Variants in LTBP1 observed in about 807,000 individuals in gnomAD.
LTBP1 encodes latent transforming growth factor beta binding protein 1.
LTBP1 carries 129 observed loss-of-function variants against 207.6 expected under a neutral mutation model. That is an observed-to-expected ratio of 0.62 (90% CI 0.54 to 0.72). LTBP1 has a LOEUF of 0.72. Among genes scored for constraint, LTBP1 ranks in the 30% least tolerant of loss-of-function variants. The pLI is 0.00. For missense variants in LTBP1, 2,281 were observed against 2,217.2 expected, an observed-to-expected ratio of 1.03 and a Z score of -0.58; for synonymous variants, 963 against 833.7, an observed-to-expected ratio of 1.16 and a Z score of -2.67.
chr2:33,090,627 G>A (rs1394416387), intron 3 of LTBP1, among the ~76,000 whole-genome samples: 1 of 152,120 alleles, frequency 6.6e-6, no homozygotes, highest in Non-Finnish European at 1.5e-5. Context: ...TGATTTGTCC[G>A]TGGTTGTGTA....
chr2:33,075,486 A>G (rs1441898428), intron 3 of LTBP1, among the ~76,000 whole-genome samples: 1 of 152,260 alleles, frequency 6.6e-6, no homozygotes, highest in Non-Finnish European at 1.5e-5. Flanking sequence ...GATAGCTGCA[A>G]AAACCATCTA....
At chr2:33,256,238 C>A (rs1425989645) in intron 11 of LTBP1, among the ~76,000 whole-genome samples, 2 of 152,106 alleles carry the variant, frequency 1.3e-5, no homozygotes. Flanking sequence ...ATAGCTGCAT[C>A]TTGATTTGGC....
At chr2:33,263,041 A>C (rs1307442683) in intron 14 of LTBP1, among the ~76,000 whole-genome samples, 1 of 151,978 alleles carries the variant, frequency 6.6e-6, no homozygotes, top group East Asian at 1.9e-4. Context: ...TTCTGTGATC[A>C]GGAGTAGTAT....
chr2:33,304,733 T>G (rs1283815287), intron 22 of LTBP1, among the ~76,000 whole-genome samples: 1 of 152,206 alleles, frequency 6.6e-6, no homozygotes, highest in Non-Finnish European at 1.5e-5. Flanking sequence ...CTCCCTGCAG[T>G]CCTTTACAAA....
In LTBP1 at chr2:33,158,146, AAC is replaced by A. The variant is rs1261536992; in HGVS notation, c.1201+23188_1201+23189del. On this transcript the variant is annotated intron_variant, in intron 5 of 33. Coordinates refer to ENST00000404816, the MANE Select transcript of LTBP1 (RefSeq NM_206943.4). ...AGTGAAACTCTTGTCTCAAAAAAAA[AAC>A]AAAAAAAAAAAAAAAAAGAGAGAGA... 6.7e-3 allele frequency among the ~76,000 whole-genome samples: 786 copies of A among 118,152 alleles called. 5 individuals carry two copies. Among genetic ancestry groups the A allele is most frequent in the Non-Finnish European group, 0.011 (583 of 54,544 alleles). 77.5% of individuals were successfully genotyped at this position (118,152 alleles called of 152,430 possible). A position where few individuals can be genotyped will look rare whatever the true frequency, so the allele number is the denominator to read the frequency against.
At chr2:33,150,336 T>G (rs2083409086) in intron 5 of LTBP1, among the ~76,000 whole-genome samples, 1 of 152,190 alleles carries the variant, frequency 6.6e-6, no homozygotes. Context: ...TTGCTTATCT[T>G]CATGAGACCC....
chr2:33,239,668 G>A (rs113520739), intron 9 of LTBP1, among the ~76,000 whole-genome samples: 203 of 151,656 alleles, frequency 1.3e-3, no homozygotes, highest in African/African-American at 4.7e-3. Context: ...CGAGGTGGGC[G>A]GATCACTTGA....
At chr2:33,363,038 T>C (rs527736835) in intron 28 of LTBP1, among the ~76,000 whole-genome samples, 46 of 152,306 alleles carry the variant, frequency 3.0e-4, no homozygotes, top group African/African-American at 1.0e-3. Flanking sequence ...GAATATACAT[T>C]ACAGAACACA....
At chr2:33,234,946 C>A (rs1167999986) in intron 9 of LTBP1, among the ~76,000 whole-genome samples, 1 of 151,958 alleles carries the variant, frequency 6.6e-6, no homozygotes, top group African/African-American at 2.4e-5. Context: ...CCATAAAAAC[C>A]CTAGAAGAAA....
At chr2:33,289,859 C>T (rs188396804) in intron 19 of LTBP1, among the ~76,000 whole-genome samples, 32 of 152,278 alleles carry the variant, frequency 2.1e-4, no homozygotes. Flanking sequence ...TCTCCCTCTG[C>T]TTCAGGGAAA....
intron 7 of LTBP1, among the ~76,000 whole-genome samples, chr2:33,214,367 C>T (rs10166821): frequency 0.016 from 2,436 of 152,196 alleles, 69 homozygotes; most frequent in African/African-American, 0.055. Context: ...TGATTCCAGC[C>T]CCAAATATGT....
chr2:33,377,985 A>G (rs1431644178), intron 31 of LTBP1, among the ~76,000 whole-genome samples: 2 of 152,142 alleles, frequency 1.3e-5, no homozygotes, highest in Non-Finnish European at 2.9e-5. Flanking sequence ...ACAATTCAAG[A>G]TGAGATTTGG....
intron 4 of LTBP1, among the ~76,000 whole-genome samples, chr2:33,121,551 A>G (rs1213089928): frequency 6.6e-6 from 1 of 152,066 alleles, no homozygotes; most frequent in African/African-American, 2.4e-5. Context: ...CTTAATGGCT[A>G]CAGGTGCATC....
intron 5 of LTBP1, among the ~76,000 whole-genome samples, chr2:33,176,995 A>G (rs1235662417): frequency 6.6e-6 from 1 of 152,224 alleles, no homozygotes; most frequent in Non-Finnish European, 1.5e-5. Context: ...CAACAGCCAT[A>G]TGAGCTGGAT....
At chr2:32,971,274 GC>G (rs932782531) in intron 2 of LTBP1, among the ~76,000 whole-genome samples, 4 of 152,034 alleles carry the variant, frequency 2.6e-5, no homozygotes, top group African/African-American at 4.8e-5. Flanking sequence ...CCAATGGAAT[GC>G]CTTTTATTTC....
intron 3 of LTBP1, among the ~76,000 whole-genome samples, chr2:33,055,976 C>G (rs1398035168): frequency 2.0e-5 from 3 of 152,130 alleles, no homozygotes; most frequent in Admixed American, 2.0e-4. Flanking sequence ...CTGAGAGGTC[C>G]TCCTGTGGGA....
At chr2:33,101,707 C>T (rs1048016340) in intron 3 of LTBP1, among the ~76,000 whole-genome samples, 4 of 151,934 alleles carry the variant, frequency 2.6e-5, no homozygotes, top group Non-Finnish European at 5.9e-5. Flanking sequence ...TTTCTCTGGC[C>T]CTTGTTAGTT....
intron 16 of LTBP1, 139 bp downstream of exon 16, chr2:33,273,920 G>GATA: frequency 1.6e-6 from 1 of 608,254 alleles, no homozygotes; most frequent in Non-Finnish European, 2.5e-6. Flanking sequence ...TTAGCTAAGG[G>GATA]AGCTCAAAAA....
At chr2:33,259,725 T>G (rs1307739687) in intron 13 of LTBP1, 115 bp downstream of exon 13, 7 of 943,266 alleles carry the variant, frequency 7.4e-6, no homozygotes, top group African/African-American at 1.7e-5. Context: ...TATGCATCAT[T>G]TGGTTTGAGT....
Sources: gnomAD v4.1 joint callset for allele counts (sites outside exome capture counted in the v4.1 genomes callset) on GRCh38, gnomAD v4.1.1 for gene constraint, MANE v1.5 for transcripts, NCBI Gene and HGNC (gene_info 2026-07-23, HGNC 2026-07-21) for gene names.